ALK: variants seen among roughly 807,000 people sequenced by gnomAD.
ALK encodes the protein ALK receptor tyrosine kinase.
ALK carries 74 observed loss-of-function variants against 163.1 expected under a neutral mutation model. That is an observed-to-expected ratio of 0.45 (90% confidence interval 0.38 to 0.55). The LOEUF (loss-of-function observed/expected upper bound fraction) is 0.55, where lower values mean the gene tolerates loss of function less well. Among genes scored for constraint, ALK ranks in the 20% least tolerant of loss-of-function variants. ALK has a pLI of 0.00. For missense variants in ALK, 2,063 were observed against 2,105.3 expected, an observed-to-expected ratio of 0.98 and a Z score of 0.39; for synonymous variants, 960 against 843.2, an observed-to-expected ratio of 1.14 and a Z score of -2.40.
rs189180697 is a variant in ALK, at chr2:29,666,840, C to A, written c.952+28010G>T. Among the ~76,000 whole-genome samples the A allele has an allele frequency of 5.3e-5, 8 of 152,076 alleles. No homozygotes were observed. In the East Asian group the frequency reaches 1.2e-3, roughly 22 times the overall value. The stretch of plus-strand genomic sequence containing the variant: ...TGTATATATTCTTCCCCTTCACCCC[C>A]CTTCTCCTACCTTTCCCAGCCTCTG... On this transcript the variant is annotated intron_variant, in intron 3 of 28. Transcript: ENST00000389048.
rs115406025 is a variant in ALK at position 29,791,907 on chromosome 2, G to T, written c.668-74210C>A. 5.9e-3 allele frequency among the ~76,000 whole-genome samples: 897 copies of T among 152,286 alleles called. 13 individuals carry two copies. The highest frequency in any genetic ancestry group is 0.02 in the African/African-American group (822 of 41,558). On this transcript the variant is annotated intron_variant, in intron 1 of 28. Transcript: ENST00000389048. ...TTTCTCTAAACAATCGGGTGATTCA[G>T]ATGCACTAAGTTATCTGAAAATGAG... is the stretch of plus-strand genomic sequence containing the variant.
chr2:29,660,728 G>A (rs946521743), intron 3 of ALK, among the ~76,000 whole-genome samples: 15 of 151,980 alleles, frequency 9.9e-5, no homozygotes, highest in Non-Finnish European at 2.1e-4. Context: ...AAGCAGACAG[G>A]CAGGGGGCCA....
chr2:29,407,376 T>C (rs1669611332), intron 4 of ALK, among the ~76,000 whole-genome samples: 1 of 152,272 alleles, frequency 6.6e-6, no homozygotes, highest in African/African-American at 2.4e-5. Context: ...AGACATTGTG[T>C]TAAGCACTTC....
At chr2:29,601,976 A>T (rs758782210) in intron 3 of ALK, among the ~76,000 whole-genome samples, 2 of 152,090 alleles carry the variant, frequency 1.3e-5, no homozygotes, top group African/African-American at 2.4e-5. Flanking sequence ...CAGGAACTCT[A>T]CCAGCTCAGT....
intron 3 of ALK, among the ~76,000 whole-genome samples, chr2:29,632,763 A>T (rs987441257): frequency 6.6e-6 from 1 of 152,224 alleles, no homozygotes; most frequent in Non-Finnish European, 1.5e-5. Flanking sequence ...GGACGCCTCA[A>T]AATCATGGTG....
intron 3 of ALK, among the ~76,000 whole-genome samples, chr2:29,629,194 C>T (rs1456097022): frequency 2.0e-5 from 3 of 152,204 alleles, no homozygotes; most frequent in Middle Eastern, 3.4e-3. Context: ...TTTAAGAATC[C>T]CACACTCAAA....
rs139704575 is a variant in ALK at position 29,479,202 on chromosome 2, AC to A, written c.1154+52712del. Reference sequence around the variant, plus strand: ...TGTGATGTCCCCGAAATGATGGCTCACCCTGAAGCAGGCAGATCTACACTGC... The same window carrying A: ...TGTGATGTCCCCGAAATGATGGCTCACCTGAAGCAGGCAGATCTACACTGC... On this transcript the variant is annotated intron_variant, in intron 4 of 28. Transcript: ENST00000389048. Among the ~76,000 whole-genome samples, 534 of 113,438 alleles carry A rather than the reference AC, an allele frequency of 4.7e-3. 3 individuals carry two copies. The highest frequency in any genetic ancestry group is 0.017 in the African/African-American group (510 of 29,538). The allele number at this position is 113,438 out of a possible 152,430, so 74.4% of individuals were successfully genotyped here.
intron 4 of ALK, among the ~76,000 whole-genome samples, chr2:29,524,153 G>A (rs1434794474): frequency 1.3e-5 from 2 of 152,140 alleles, no homozygotes; most frequent in African/African-American, 4.8e-5. Context: ...TTTAGAAGAG[G>A]TGCATCCTAG....
At chr2:29,809,279 C>G (rs1203038633) in intron 1 of ALK, among the ~76,000 whole-genome samples, 1 of 152,248 alleles carries the variant, frequency 6.6e-6, no homozygotes, top group Non-Finnish European at 1.5e-5. Flanking sequence ...ACCTTCCATA[C>G]ATTGTTTCAT....
At chr2:29,570,670 C>T (rs1391144769) in intron 3 of ALK, among the ~76,000 whole-genome samples, 1 of 152,206 alleles carries the variant, frequency 6.6e-6, no homozygotes, top group Non-Finnish European at 1.5e-5. Context: ...CTCAAAGCCT[C>T]TGACGGGCAT....
intron 3 of ALK, among the ~76,000 whole-genome samples, chr2:29,660,314 G>A (rs1055376914): frequency 2.6e-5 from 4 of 152,162 alleles, no homozygotes; most frequent in South Asian, 2.1e-4. Flanking sequence ...ACCAGATAAC[G>A]TTTTAAAGCC....
chr2:29,608,154 A>G (rs1675592229), intron 3 of ALK, among the ~76,000 whole-genome samples: 1 of 152,164 alleles, frequency 6.6e-6, no homozygotes, highest in South Asian at 2.1e-4. Context: ...ATATATGTAT[A>G]AAGAACACCC....
At chr2:29,885,293 G>A (rs1666958284) in intron 1 of ALK, among the ~76,000 whole-genome samples, 1 of 152,056 alleles carries the variant, frequency 6.6e-6, no homozygotes, top group Admixed American at 6.6e-5. Context: ...TAGATCAGGG[G>A]GTCACAAGGA....
intron 3 of ALK, among the ~76,000 whole-genome samples, chr2:29,627,343 G>T (rs533423945): frequency 2.0e-5 from 3 of 152,310 alleles, no homozygotes; most frequent in Non-Finnish European, 2.9e-5. Flanking sequence ...TTGCAAGGAA[G>T]AGTATTTGCC....
At chr2:29,857,580 G>A (rs1307354572) in intron 1 of ALK, among the ~76,000 whole-genome samples, 5 of 152,138 alleles carry the variant, frequency 3.3e-5, no homozygotes, top group African/African-American at 1.2e-4. Flanking sequence ...AAAGTTAGTG[G>A]GATTCTCTAG....
intron 8 of ALK, among the ~76,000 whole-genome samples, chr2:29,298,222 T>A (rs1666257335): frequency 6.6e-6 from 1 of 152,214 alleles, no homozygotes; most frequent in African/African-American, 2.4e-5. Context: ...GTAAGCCTGG[T>A]CTATAACCAC....
rs76083756 is a variant in ALK at position 29,545,346 on chromosome 2, T to C, written c.953-13230A>G. Among the ~76,000 whole-genome samples, 1,376 of 152,360 alleles carry C rather than the reference T, an allele frequency of 9.0e-3. 20 individuals are homozygous for C. Among genetic ancestry groups the C allele is most frequent in the African/African-American group, 0.027 (1,118 of 41,580 alleles). ...CCACTGAAAGAGGCTCCTTATTGTTTATTTTTCAAACTTGAATTCTACTAT... is the reference window on the plus strand; with the variant it reads ...CCACTGAAAGAGGCTCCTTATTGTTCATTTTTCAAACTTGAATTCTACTAT... On this transcript the variant is annotated intron_variant, in intron 3 of 28. Coordinates refer to ENST00000389048, the MANE Select transcript of ALK (RefSeq NM_004304.5).
intron 3 of ALK, among the ~76,000 whole-genome samples, chr2:29,663,904 C>T (rs1250038797): frequency 6.6e-6 from 1 of 152,070 alleles, no homozygotes; most frequent in Admixed American, 6.6e-5. Context: ...CATTTTGCTC[C>T]ATGATGAAAC....
At chr2:29,613,470 C>A (rs1350964333) in intron 3 of ALK, among the ~76,000 whole-genome samples, 4 of 152,194 alleles carry the variant, frequency 2.6e-5, no homozygotes, top group Non-Finnish European at 4.4e-5. Flanking sequence ...TAAGCCCTTC[C>A]TTTAAAAAAT....
Sources: gnomAD v4.1 joint callset for allele counts (sites outside exome capture counted in the v4.1 genomes callset) on GRCh38, gnomAD v4.1.1 for gene constraint, MANE v1.5 for transcripts, NCBI Gene and HGNC (gene_info 2026-07-23, HGNC 2026-07-21) for gene names.